Variants in GUCA1C observed in about 807,000 individuals in gnomAD.
The protein encoded by GUCA1C is guanylate cyclase activator 1C, also known as guanylyl cyclase-activating protein 3.
In GUCA1C, 15 loss-of-function variants were observed where a neutral mutation model predicts 16.2. The ratio of observed to expected loss-of-function variants is 0.93; its 90% CI spans 0.62 to 1.43. The LOEUF (loss-of-function observed/expected upper bound fraction) is 1.43, where lower values mean the gene tolerates loss of function less well. Ranked by LOEUF, GUCA1C falls within the 40% of genes most tolerant of loss-of-function variation. GUCA1C has a pLI of 0.00. For synonymous variants in GUCA1C, 78 were observed against 85.4 expected (o/e 0.91, Z 0.48); for missense variants, 275 against 244.8 (o/e 1.12, Z -0.82).
intron 2 of GUCA1C, among the ~76,000 whole-genome samples, chr3:108,917,740 C>T (rs533314518): frequency 4.9e-4 from 74 of 152,188 alleles, no homozygotes; most frequent in African/African-American, 1.7e-3. Context: ...GTCCCTTTCC[C>T]GCTTAGAATT....
At chr3:108,910,031 G>C (rs1301843944) in intron 3 of GUCA1C, among the ~76,000 whole-genome samples, 1 of 152,202 alleles carries the variant, frequency 6.6e-6, no homozygotes, top group Non-Finnish European at 1.5e-5. Context: ...TATGGTAGGT[G>C]CTCAGAAGGC....
At chr3:108,934,682 A>G (rs1946704327) in intron 1 of GUCA1C, among the ~76,000 whole-genome samples, 1 of 151,898 alleles carries the variant, frequency 6.6e-6, no homozygotes, top group South Asian at 2.1e-4. Context: ...AATACTATGC[A>G]GCCGAAAAAC....
chr3:108,916,016 C>T, intron 3 of GUCA1C, 111 bp downstream of exon 3: 2 of 1,338,990 alleles, frequency 1.5e-6, no homozygotes, highest in Non-Finnish European at 2.0e-6. Context: ...AAGCCTAAGT[C>T]ACAACTAGGG....
intron 2 of GUCA1C, among the ~76,000 whole-genome samples, chr3:108,919,136 G>T (rs1559841275): frequency 6.6e-6 from 1 of 151,952 alleles, no homozygotes; most frequent in Non-Finnish European, 1.5e-5. Context: ...ATTGTTTTTA[G>T]TACTGATTAA....
At chr3:108,927,838 G>A (rs1946635994) in intron 1 of GUCA1C, among the ~76,000 whole-genome samples, 1 of 152,110 alleles carries the variant, frequency 6.6e-6, no homozygotes, top group South Asian at 2.1e-4. Context: ...TCTCATTTGG[G>A]TAGACTATAA....
At chr3:108,924,376 C>T (rs904337781) in intron 1 of GUCA1C, among the ~76,000 whole-genome samples, 1 of 151,970 alleles carries the variant, frequency 6.6e-6, no homozygotes, top group Non-Finnish European at 1.5e-5. Flanking sequence ...TTGTCAAATG[C>T]TTTTTCTGTG....
At chr3:108,935,357 A>G (rs1489196586) in intron 1 of GUCA1C, among the ~76,000 whole-genome samples, 2 of 151,392 alleles carry the variant, frequency 1.3e-5, no homozygotes, top group African/African-American at 4.8e-5. Flanking sequence ...TGAAAAAAAA[A>G]TAAAAAATAA....
chr3:108,933,701 GAGA>G (rs1946693883), intron 1 of GUCA1C, among the ~76,000 whole-genome samples: 1 of 152,210 alleles, frequency 6.6e-6, no homozygotes. Flanking sequence ...TGAGGCTGCA[GAGA>G]AGAAGGAACA....
At chr3:108,934,712 T>G (rs184690444) in intron 1 of GUCA1C, among the ~76,000 whole-genome samples, 29 of 151,630 alleles carry the variant, frequency 1.9e-4, no homozygotes, top group African/African-American at 6.3e-4. Context: ...TCATGTCTTT[T>G]GCAGCAACAT....
chr3:108,926,302 A>C (rs1946622250), intron 1 of GUCA1C, among the ~76,000 whole-genome samples: 1 of 151,900 alleles, frequency 6.6e-6, no homozygotes, highest in Admixed American at 6.6e-5. Flanking sequence ...CCCTTACCTT[A>C]AGTTTATGTG....
In GUCA1C at chr3:108,920,468, T is replaced by C. The variant is rs972110931; in HGVS notation, c.322A>G (p.Ile108Val). Residue 108 changes from isoleucine to valine, a missense_variant, in exon 2 of 4, where the codon ATT (isoleucine) becomes GTT (valine). Coordinates refer to ENST00000261047, the MANE Select transcript of GUCA1C (RefSeq NM_005459.4). ...KLYDADGNGS[I>V]DKNELLDMFM... The stretch of plus-strand genomic sequence containing the variant: ...ATGTCCAGTAGTTCATTTTTGTCAA[T>C]AGAACCATTTCCATCAGCATCATAC... The C allele has an allele frequency of 1.2e-6, 2 of 1,608,548 alleles. No individual in the cohort carries two copies. The highest frequency in any genetic ancestry group is 1.3e-5 in the African/African-American group (1 of 74,784).
intron 3 of GUCA1C, among the ~76,000 whole-genome samples, chr3:108,912,560 A>T (rs4855676): frequency 0.94 from 142,104 of 151,976 alleles, 66,635 homozygotes; most frequent in East Asian, 0.97. Flanking sequence ...AAAATTGAAT[A>T]ATACAGAAAG....
intron 2 of GUCA1C, among the ~76,000 whole-genome samples, chr3:108,916,439 GCATACAGGGATC>G (rs1187094538): frequency 6.6e-6 from 1 of 152,130 alleles, no homozygotes; most frequent in Non-Finnish European, 1.5e-5. Context: ...ATTTTATACA[GCATACAGGGATC>G]CATTCAACAT....
At chr3:108,935,034 C>A (rs907170564) in intron 1 of GUCA1C, among the ~76,000 whole-genome samples, 4 of 151,856 alleles carry the variant, frequency 2.6e-5, no homozygotes, top group African/African-American at 9.6e-5. Flanking sequence ...AGGACGGTCT[C>A]GATCTCCTGA....
At chr3:108,910,412 C>T (rs369197255) in intron 3 of GUCA1C, among the ~76,000 whole-genome samples, 3 of 151,256 alleles carry the variant, frequency 2.0e-5, no homozygotes, top group South Asian at 4.2e-4. Flanking sequence ...GCAGGAGATT[C>T]GCGTGAACCC....
intron 1 of GUCA1C, among the ~76,000 whole-genome samples, chr3:108,923,439 T>C (rs1275202530): frequency 6.6e-6 from 1 of 152,232 alleles, no homozygotes; most frequent in Non-Finnish European, 1.5e-5. Flanking sequence ...TTTGTTTGCT[T>C]TGTCAAAGAT....
chr3:108,943,053 G>T (rs564282154), intron 1 of GUCA1C, among the ~76,000 whole-genome samples: 57 of 152,248 alleles, frequency 3.7e-4, no homozygotes, highest in African/African-American at 1.3e-3. Context: ...AGTTTCAAAG[G>T]TTGAAGCCAT....
At chr3:108,909,905 C>G (rs1045836365) in intron 3 of GUCA1C, among the ~76,000 whole-genome samples, 1 of 152,144 alleles carries the variant, frequency 6.6e-6, no homozygotes, top group Admixed American at 6.5e-5. Context: ...TCCTCAGTTT[C>G]CCTCCAGCAC....
intron 3 of GUCA1C, chr3:108,915,884 T>C: frequency 2.0e-6 from 1 of 506,146 alleles, no homozygotes; most frequent in South Asian, 4.1e-5. Flanking sequence ...ATTTATTTGC[T>C]CATCTCACCT....
Sources: allele counts gnomAD v4.1 joint callset (sites outside exome capture counted in the v4.1 genomes callset), GRCh38; gene constraint gnomAD v4.1.1; transcripts MANE v1.5; gene names NCBI Gene and HGNC (gene_info 2026-07-23, HGNC 2026-07-21).